FBXO28: variants seen among roughly 807,000 people sequenced by gnomAD.
The protein encoded by FBXO28 is F-box protein 28, also known as F-box only protein 28.
FBXO28 carries 8 observed loss-of-function variants against 38.1 expected under a neutral mutation model. That is an observed-to-expected ratio of 0.21 (90% confidence interval 0.12 to 0.38). The LOEUF (loss-of-function observed/expected upper bound fraction) is 0.38, where lower values mean the gene tolerates loss of function less well. FBXO28 is among the 10% of genes least tolerant of loss of function. The pLI is 1.00. For synonymous variants in FBXO28, 168 were observed against 173.8 expected (o/e 0.97, Z 0.26); for missense variants, 345 against 460.6 (o/e 0.75, Z 2.30).
intron 3 of FBXO28, among the ~76,000 whole-genome samples, chr1:224,139,655 C>G (rs535325748): frequency 4.1e-4 from 62 of 152,086 alleles, no homozygotes; most frequent in African/African-American, 1.4e-3. Context: ...GCAGGAGAAT[C>G]ACTTGAACCC....
intron 1 of FBXO28, 71 bp from the exon 2 acceptor site, chr1:224,130,401 C>T: frequency 1.0e-6 from 1 of 970,426 alleles, no homozygotes; most frequent in Non-Finnish European, 1.6e-6. Flanking sequence ...GAGCTTTAAG[C>T]CATCAGTTAT....
intron 1 of FBXO28, among the ~76,000 whole-genome samples, chr1:224,119,135 C>CTTTTTTTTTTTTTTT (rs67458349): frequency 2.7e-4 from 30 of 109,906 alleles, no homozygotes; most frequent in Admixed American, 5.0e-4. Flanking sequence ...TCTTTTTTTT[C>CTTTTTTTTTTTTTTT]TTTTTTTTTT....
Position 224,114,122 on chromosome 1 carries a change from C to A in FBXO28, c.-8C>A. On this transcript the variant is annotated 5_prime_UTR_variant, in exon 1 of 5. Coordinates refer to ENST00000366862, the MANE Select transcript of FBXO28 (RefSeq NM_015176.4). ...CTTGCTGTGGGGGTAAGGAATCAAGCCCCCAAGATGGCGGCAGCGGCGGAG... is the reference window on the plus strand; with the variant it reads ...CTTGCTGTGGGGGTAAGGAATCAAGACCCCAAGATGGCGGCAGCGGCGGAG... 6.5e-7 allele frequency: 1 copy of A among 1,533,596 alleles called. No homozygotes were observed. The allele number at this position is 1,533,596 out of a possible 1,614,324, so 95.0% of individuals were successfully genotyped here.
At chr1:224,127,916 A>G (rs965485463) in intron 1 of FBXO28, among the ~76,000 whole-genome samples, 3 of 152,174 alleles carry the variant, frequency 2.0e-5, no homozygotes, top group Non-Finnish European at 4.4e-5. Flanking sequence ...AAACAAACAA[A>G]CAAACATTAT....
At position 224,161,391 on chromosome 1, in the gene FBXO28, G is replaced by GA. The variant is rs1657903737; in HGVS notation, c.*3648dup. On this transcript the variant is annotated 3_prime_UTR_variant, in exon 5 of 5. Transcript: ENST00000366862. ...TGAAGCCAGGAATAAAAGGCAGTCT[G>GA]AAAGAAAACGTCCTATACGATGCAG... 6.6e-6 allele frequency: 1 copy of GA among 152,274 alleles called. No homozygotes were observed. Among genetic ancestry groups the GA allele is most frequent in the Non-Finnish European group, 1.5e-5 (1 of 68,022 alleles). 9.4% of individuals were successfully genotyped at this position (152,274 alleles called of 1,614,324 possible). A position where few individuals can be genotyped will look rare whatever the true frequency, so the allele number is the denominator to read the frequency against.
intron 3 of FBXO28, among the ~76,000 whole-genome samples, chr1:224,152,724 T>C (rs1657676152): frequency 6.6e-6 from 1 of 151,148 alleles, no homozygotes; most frequent in Admixed American, 6.6e-5. Context: ...AGGTCAAGAG[T>C]TTGAGACCAA....
At chr1:224,137,710 A>G (rs538373828) in intron 3 of FBXO28, among the ~76,000 whole-genome samples, 1 of 151,986 alleles carries the variant, frequency 6.6e-6, no homozygotes, top group African/African-American at 2.4e-5. Context: ...CTCCTTGCAC[A>G]AAAGAAAGCT....
intron 2 of FBXO28, among the ~76,000 whole-genome samples, 194 bp from the exon 3 acceptor site, chr1:224,133,880 A>T (rs112029369): frequency 6.6e-6 from 1 of 152,106 alleles, no homozygotes; most frequent in African/African-American, 2.4e-5. Flanking sequence ...TATTTTGTCA[A>T]TGAGTACCAG....
intron 3 of FBXO28, among the ~76,000 whole-genome samples, chr1:224,144,619 G>A (rs1016086014): frequency 1.3e-5 from 2 of 151,548 alleles, no homozygotes; most frequent in Admixed American, 6.6e-5. Context: ...TTAGCTGGGC[G>A]TGGGTGTGTG....
rs1359918287 is a variant in FBXO28, at chr1:224,159,557, A to G, written c.*1811A>G. 1 of 152,630 alleles carries G rather than the reference A, an allele frequency of 6.6e-6. No homozygotes were observed. Among genetic ancestry groups the G allele is most frequent in the Non-Finnish European group, 1.5e-5 (1 of 68,036 alleles). 9.5% of individuals were successfully genotyped at this position (152,630 alleles called of 1,614,324 possible). On this transcript the variant is annotated 3_prime_UTR_variant, in exon 5 of 5. Coordinates refer to ENST00000366862, the MANE Select transcript of FBXO28 (RefSeq NM_015176.4). ...ATTTCCAAAAAACATTTGTCAGCCA[A>G]GGTCATCCATAAAAGTCCCCGTCTG...
intron 3 of FBXO28, among the ~76,000 whole-genome samples, chr1:224,136,192 CTCCCGG>C (rs1230245939): frequency 7.1e-6 from 1 of 140,974 alleles, no homozygotes; most frequent in Non-Finnish European, 1.5e-5. Flanking sequence ...CAACCTCTGC[CTCCCGG>C]TACAGGTGCA....
chr1:224,156,541 T>A (rs914236040), intron 4 of FBXO28, among the ~76,000 whole-genome samples: 1 of 152,328 alleles, frequency 6.6e-6, no homozygotes, highest in Non-Finnish European at 1.5e-5. Flanking sequence ...CTTATCCGCA[T>A]ACCCACATTC....
chr1:224,161,479 C>T lies in FBXO28; in HGVS notation c.*3733C>T, dbSNP rs1041672175. 2 of 152,276 alleles carry T rather than the reference C, an allele frequency of 1.3e-5. No homozygotes were observed. The highest frequency in any genetic ancestry group is 4.8e-5 in the African/African-American group (2 of 41,548). The allele number at this position is 152,276 out of a possible 1,614,324, so 9.4% of individuals were successfully genotyped here. ...CTTGATACACTGTTTGGTTCTTTGA[C>T]TTGGGATCTATCTGAATTGCTTTCA... is the stretch of plus-strand genomic sequence containing the variant. On this transcript the variant is annotated 3_prime_UTR_variant, in exon 5 of 5. Coordinates refer to ENST00000366862, the MANE Select transcript of FBXO28 (RefSeq NM_015176.4).
intron 3 of FBXO28, among the ~76,000 whole-genome samples, chr1:224,136,538 A>C (rs1011588319): frequency 1.3e-5 from 2 of 151,288 alleles, no homozygotes; most frequent in African/African-American, 4.9e-5. Flanking sequence ...CCTTGCTAAC[A>C]TGGTGAAACC....
At chr1:224,131,262 T>G (rs1387701516) in intron 2 of FBXO28, among the ~76,000 whole-genome samples, 1 of 152,094 alleles carries the variant, frequency 6.6e-6, no homozygotes, top group Non-Finnish European at 1.5e-5. Context: ...CTTTTTTTTT[T>G]GTAACCCCTG....
chr1:224,124,390 G>A (rs1158974458), intron 1 of FBXO28, among the ~76,000 whole-genome samples: 2 of 152,082 alleles, frequency 1.3e-5, no homozygotes, highest in African/African-American at 4.8e-5. Context: ...ATCTTTCAGT[G>A]CCCTGATAGT....
In FBXO28 at chr1:224,157,247, T is replaced by G. The variant is rs535158960; in HGVS notation, c.713-105T>G. On this transcript the variant is annotated intron_variant, in intron 4 of 4. Transcript: ENST00000366862. Reference sequence around the variant, plus strand: ...AAATGGATTGCAAAGAAGAAGAAATTATCAGAAGTGACATAGTAAGGGTAT... The same window carrying G: ...AAATGGATTGCAAAGAAGAAGAAATGATCAGAAGTGACATAGTAAGGGTAT... The G allele has an allele frequency of 4.4e-6, 6 of 1,356,076 alleles. No homozygotes were observed. In the South Asian group the frequency reaches 7.5e-5, roughly 17 times the overall value. The allele number at this position is 1,356,076 out of a possible 1,614,324, so 84.0% of individuals were successfully genotyped here.
intron 3 of FBXO28, among the ~76,000 whole-genome samples, chr1:224,151,416 G>C (rs1572025495): frequency 6.6e-6 from 1 of 152,186 alleles, no homozygotes; most frequent in African/African-American, 2.4e-5. Context: ...AGATTTTGCT[G>C]ACATTTATTA....
At chr1:224,138,972 A>G (rs1653790639) in intron 3 of FBXO28, among the ~76,000 whole-genome samples, 1 of 151,526 alleles carries the variant, frequency 6.6e-6, no homozygotes, top group African/African-American at 2.4e-5. Flanking sequence ...TTTAATAGAG[A>G]CGGGGTTTGA....
Sources: gnomAD v4.1 joint callset for allele counts (sites outside exome capture counted in the v4.1 genomes callset) on GRCh38, gnomAD v4.1.1 for gene constraint, MANE v1.5 for transcripts, NCBI Gene and HGNC (gene_info 2026-07-23, HGNC 2026-07-21) for gene names.